The following ZPBP variants were observed in gnomAD, a reference collection of about 807,000 sequenced individuals.
ZPBP encodes the protein zona pellucida binding protein, also known as zona pellucida-binding protein 1.
In ZPBP, 26 loss-of-function variants were observed where a neutral mutation model predicts 44.8. The ratio of observed to expected loss-of-function variants is 0.58; its 90% CI spans 0.43 to 0.81. The LOEUF (loss-of-function observed/expected upper bound fraction) is 0.81. ZPBP is among the 30% of genes least tolerant of loss of function. ZPBP has a pLI of 0.00. For missense variants in ZPBP, 409 were observed against 434.0 expected (o/e 0.94, Z 0.51); for synonymous variants, 174 against 153.2 (o/e 1.14, Z -1.00).
chr7:49,931,029 G>A (rs1583861726), intron 1 of ZPBP, among the ~76,000 whole-genome samples: 1 of 152,184 alleles, frequency 6.6e-6, no homozygotes, highest in African/African-American at 2.4e-5. Flanking sequence ...TATAAAGGGA[G>A]AGCTCTGCTG....
At chr7:50,042,316 T>C (rs1268121258) in intron 4 of ZPBP, among the ~76,000 whole-genome samples, 1 of 151,924 alleles carries the variant, frequency 6.6e-6, no homozygotes, top group Non-Finnish European at 1.5e-5. Flanking sequence ...ATTCAGGAAA[T>C]ACAAAGAGCA....
intron 6 of ZPBP, among the ~76,000 whole-genome samples, chr7:50,005,812 C>T (rs1291064851): frequency 7.2e-6 from 1 of 138,290 alleles, no homozygotes; most frequent in Non-Finnish European, 1.5e-5. Context: ...AGTTAAACTT[C>T]ATAACTATAT....
At chr7:49,850,162 G>A (rs955229381), downstream of ZPBP, among the ~76,000 whole-genome samples, 1 of 152,202 alleles carries the variant, frequency 6.6e-6, no homozygotes, top group African/African-American at 2.4e-5. Context: ...GCAGTATTCA[G>A]GAAGACTGAG....
chr7:50,090,460 T>C (rs1346434529), intron 1 of ZPBP, among the ~76,000 whole-genome samples: 1 of 80,986 alleles, frequency 1.2e-5, no homozygotes, highest in Non-Finnish European at 2.6e-5. Flanking sequence ...TAGTATTCCA[T>C]ATATATATTT....
intron 7 of ZPBP, among the ~76,000 whole-genome samples, chr7:49,955,382 C>T (rs545685473): frequency 6.6e-6 from 1 of 152,096 alleles, no homozygotes; most frequent in African/African-American, 2.4e-5. Flanking sequence ...CACGATGAAA[C>T]CCCATCTCTA....
At chr7:50,036,717 G>C (rs981640017) in intron 4 of ZPBP, among the ~76,000 whole-genome samples, 1 of 152,080 alleles carries the variant, frequency 6.6e-6, no homozygotes, top group African/African-American at 2.4e-5. Context: ...ATTGTGGGAT[G>C]CAATTATAGT....
chr7:49,944,891 G>T (rs1363644297), intron 7 of ZPBP, among the ~76,000 whole-genome samples: 2 of 150,254 alleles, frequency 1.3e-5, no homozygotes, highest in Admixed American at 1.3e-4. Context: ...CTACTAATTT[G>T]GGGTTTGGTT....
intron 1 of ZPBP, chr7:49,915,741 G>A (rs1028577980): frequency 2.3e-4 from 35 of 152,094 alleles, no homozygotes; most frequent in African/African-American, 8.5e-4. Flanking sequence ...TGCTAAATTT[G>A]CTTCAATGGG....
chr7:50,072,263 C>T (rs1801877644), intron 3 of ZPBP, among the ~76,000 whole-genome samples: 1 of 152,160 alleles, frequency 6.6e-6, no homozygotes, highest in Non-Finnish European at 1.5e-5. Flanking sequence ...GGCTCCTCTC[C>T]CTTTGGAAAG....
intron 5 of ZPBP, among the ~76,000 whole-genome samples, chr7:50,028,298 A>G (rs1000366383): frequency 6.6e-6 from 1 of 150,928 alleles, no homozygotes; most frequent in African/African-American, 2.4e-5. Context: ...AAAAAAACAC[A>G]TGATAATCTC....
In ZPBP at chr7:49,937,583, A is replaced by T; in HGVS notation, c.1001T>A (p.Ile334Asn). 6.2e-7 allele frequency: 1 copy of T among 1,613,984 alleles called. No individual in the cohort carries two copies. The highest frequency in any genetic ancestry group is 8.5e-7 in the Non-Finnish European group (1 of 1,179,888). ...GCTGCTATTGCATTGAAGGCAATGAATTCCATCACGGGGGTTATATGATCC... is the reference window on the plus strand; with the variant it reads ...GCTGCTATTGCATTGAAGGCAATGATTTCCATCACGGGGGTTATATGATCC... ...SPGSYNPRDG[I>N]HCLQCNSSLV... The change falls in exon 8 of 8, where the codon ATT becomes AAT. Residue 334 changes from isoleucine to asparagine, a missense_variant. Around this residue, in one of 2 missense-constraint regions of ZPBP, gnomAD observed 42 missense variants for 71.0 expected, o/e 0.59. Coordinates refer to ENST00000046087, the MANE Select transcript of ZPBP (RefSeq NM_007009.3).
At chr7:49,968,061 A>G (rs1266621783) in intron 7 of ZPBP, among the ~76,000 whole-genome samples, 1 of 152,080 alleles carries the variant, frequency 6.6e-6, no homozygotes, top group Non-Finnish European at 1.5e-5. Flanking sequence ...TATTTTTTCT[A>G]ATGACAGCAG....
At chr7:49,918,195 T>C (rs1344383166) in intron 1 of ZPBP, 1 of 152,168 alleles carries the variant, frequency 6.6e-6, no homozygotes, top group Non-Finnish European at 1.5e-5. Context: ...AAAGTAAATA[T>C]AGGCTCAGGG....
At chr7:49,928,819 T>C (rs1006609133) in intron 1 of ZPBP, among the ~76,000 whole-genome samples, 3 of 152,202 alleles carry the variant, frequency 2.0e-5, no homozygotes, top group African/African-American at 7.2e-5. Flanking sequence ...GTAGCTCAGA[T>C]TACATAGTAA....
chr7:49,986,708 T>C (rs1257611448), intron 6 of ZPBP, among the ~76,000 whole-genome samples: 1 of 152,218 alleles, frequency 6.6e-6, no homozygotes, highest in Non-Finnish European at 1.5e-5. Flanking sequence ...AGAAGACATT[T>C]TACTAGGCCA....
At chr7:49,981,890 A>G (rs866113818) in intron 7 of ZPBP, among the ~76,000 whole-genome samples, 16,864 of 19,092 alleles carry the variant, frequency 0.88, 7,319 homozygotes, top group Middle Eastern at 1. Context: ...TGAATTATAT[A>G]GATTATATAA....
intron 2 of ZPBP, among the ~76,000 whole-genome samples, chr7:49,876,892 A>G (rs569789813): frequency 2.0e-5 from 3 of 152,094 alleles, no homozygotes; most frequent in Non-Finnish European, 4.4e-5. Flanking sequence ...AACAAAGTCT[A>G]AATTTATCAG....
intron 7 of ZPBP, among the ~76,000 whole-genome samples, chr7:49,980,727 A>C (rs1265106010): frequency 6.6e-6 from 1 of 152,050 alleles, no homozygotes; most frequent in Admixed American, 6.6e-5. Context: ...TTCATGAGAG[A>C]TCTGCTCCCA....
intron 5 of ZPBP, among the ~76,000 whole-genome samples, chr7:50,022,458 C>G (rs1799144286): frequency 6.6e-6 from 1 of 151,856 alleles, no homozygotes; most frequent in South Asian, 2.1e-4. Flanking sequence ...AAACTAGTTT[C>G]TTACAAGTTT....
Sources: allele counts gnomAD v4.1 joint callset (sites outside exome capture counted in the v4.1 genomes callset), GRCh38; gene constraint gnomAD v4.1.1; regional missense constraint gnomAD v4.1.1; transcripts MANE v1.5; gene names NCBI Gene and HGNC (gene_info 2026-07-23, HGNC 2026-07-21).